CCNP: variants seen among roughly 807,000 people sequenced by gnomAD.
CCNP encodes the protein cyclin-P.
CCNP carries 18 observed loss-of-function variants against 19.6 expected under a neutral mutation model. The ratio of observed to expected loss-of-function variants is 0.92; its 90% CI spans 0.64 to 1.36. The LOEUF is 1.36. Among genes scored for constraint, CCNP ranks in the 40% most tolerant of loss-of-function variants. The pLI is 0.00. For missense variants in CCNP, 440 were observed against 424.4 expected (o/e 1.04, Z -0.32); for synonymous variants, 228 against 194.9 (o/e 1.17, Z -1.41).
At chr19:40,223,711 G>A in intron 3 of CCNP, 165 bp from the exon 4 acceptor site, 2 of 925,756 alleles carry the variant, frequency 2.2e-6, no homozygotes, top group Non-Finnish European at 1.7e-6. Flanking sequence ...GAGGGTCCTG[G>A]GTTCAAGACC....
rs1361970727 is a variant in CCNP at position 40,224,500 on chromosome 19, G to A, written c.501C>T (p.Cys167=). 3 of 1,613,710 alleles carry A rather than the reference G, an allele frequency of 1.9e-6. No individual in the cohort carries two copies. Among genetic ancestry groups the A allele is most frequent in the African/African-American group, 1.3e-5 (1 of 74,876 alleles). Residue 167 remains cysteine, a synonymous_variant, in exon 3 of 5, where the codon TGC becomes TGT. Transcript: ENST00000430325. The part of the protein sequence containing the change: ...CLFVACKMEE[C]VLPEPAFLCL... ...ACCCCGGAAGTACCTCGGGAAGCAC[G>A]CACTCTTCCATTTTGCACGCCACAA... is the stretch of plus-strand genomic sequence containing the variant.
At position 40,223,004 on chromosome 19, in the gene CCNP, C is replaced by G; in HGVS notation, c.*48G>C. ...CTGGACTAATGGGGTCCTCCCACCC[C>G]ATTCTCTCCCACACCCAGAAAAATC... On this transcript the variant is annotated 3_prime_UTR_variant, in exon 5 of 5. Transcript: ENST00000430325. 2 of 1,123,362 alleles carry G rather than the reference C, an allele frequency of 1.8e-6. No individual in the cohort carries two copies. The highest frequency in any genetic ancestry group is 2.4e-5 in the Admixed American group (1 of 42,370). The allele number at this position is 1,123,362 out of a possible 1,614,324, so 69.6% of individuals were successfully genotyped here.
Position 40,226,670 on chromosome 19 carries a change from A to T in CCNP, c.-29T>A, listed in dbSNP as rs1221101139. On this transcript the variant is annotated 5_prime_UTR_variant, in exon 1 of 5. Transcript: ENST00000430325. ...CCAGGAGGGTGTTGCGGGCGAGGCC[A>T]AGCACCGACCCTTGCAGCTAGGGGA... The T allele has an allele frequency of 6.6e-7, 1 of 1,526,292 alleles. No individual in the cohort carries two copies. Among genetic ancestry groups the T allele is most frequent in the Non-Finnish European group, 8.8e-7 (1 of 1,139,912 alleles). 94.5% of individuals were successfully genotyped at this position (1,526,292 alleles called of 1,614,324 possible). A position where few individuals can be genotyped will look rare whatever the true frequency, so the allele number is the denominator to read the frequency against.
Position 40,226,557 on chromosome 19 carries a change from G to T in CCNP, c.85C>A (p.Gln29Lys), listed in dbSNP as rs1973543646. 1.3e-6 allele frequency: 2 copies of T among 1,580,100 alleles called. No homozygotes were observed. The highest frequency in any genetic ancestry group is 1.7e-6 in the Non-Finnish European group (2 of 1,165,748). ...RRWAPRPSPL[Q>K]SLAASLDAEP... ...GCGTCGAGGGAGGCAGCGAGACTCTGCAAAGGAGAGGGCCTGGGGGCCCAG... is the reference window on the plus strand; with the variant it reads ...GCGTCGAGGGAGGCAGCGAGACTCTTCAAAGGAGAGGGCCTGGGGGCCCAG... The change falls in exon 1 of 5, where the codon CAG becomes AAG. Residue 29 changes from glutamine (Q) to lysine (K), a missense_variant. By Grantham distance (53) the Gln-to-Lys change is moderately conservative. Coordinates refer to ENST00000430325, the MANE Select transcript of CCNP (RefSeq NM_024877.4).
chr19:40,226,613 G>T lies in CCNP; in HGVS notation c.29C>A (p.Ser10Tyr). MLVRGRDQGSGSRLGPIVRR... is the reference protein window; with the variant it reads MLVRGRDQGYGSRLGPIVRR... ...AACGATAGGCCCGAGCCGGGAGCCGGACCCCTGGTCCCTGCCTCTCACCAG... is the reference window on the plus strand; with the variant it reads ...AACGATAGGCCCGAGCCGGGAGCCGTACCCCTGGTCCCTGCCTCTCACCAG... The change falls in exon 1 of 5, where the codon TCC (serine) becomes TAC (tyrosine). Residue 10 changes from serine to tyrosine, a missense_variant. Coordinates refer to ENST00000430325, the MANE Select transcript of CCNP (RefSeq NM_024877.4). The T allele has an allele frequency of 6.3e-7, 1 of 1,579,414 alleles. No individual in the cohort carries two copies. Among genetic ancestry groups the T allele is most frequent in the South Asian group, 1.2e-5 (1 of 86,486 alleles).
In CCNP at chr19:40,223,503, G is replaced by A. The variant is rs761189619; in HGVS notation, c.557C>T (p.Ala186Val). The change falls in exon 4 of 5, where the codon GCG becomes GTG. Residue 186 changes from alanine to valine, a missense_variant. By Grantham distance (64) the Ala-to-Val change is moderately conservative. Transcript: ENST00000430325. Reference sequence around the variant, plus strand: ...GCGACGCTCGGCGCGCAGCAGCTCCGCCCGTGAGAAGGAGTCCGCGCTCAG... The same window carrying A: ...GCGACGCTCGGCGCGCAGCAGCTCCACCCGTGAGAAGGAGTCCGCGCTCAG... Reference protein sequence around the residue: ...CLLSADSFSRAELLRAERRIL... With the variant: ...CLLSADSFSRVELLRAERRIL... 11 of 1,608,816 alleles carry A rather than the reference G, an allele frequency of 6.8e-6. No individual in the cohort carries two copies. The African/African-American group carries it at 9.4e-5, about 14-fold the overall frequency.
intron 3 of CCNP, 141 bp from the exon 4 acceptor site, chr19:40,223,687 G>C (rs1374667513): frequency 1.7e-6 from 2 of 1,203,112 alleles, no homozygotes. Context: ...GGAAGTCGTA[G>C]AGAGCACGGG....
intron 1 of CCNP, 44 bp from the exon 2 acceptor site, chr19:40,224,855 C>T (rs1335225592): frequency 6.7e-7 from 1 of 1,496,610 alleles, no homozygotes; most frequent in Admixed American, 2.0e-5. Context: ...ACCTGTGCCT[C>T]TGCCTTTCTC....
At chr19:40,223,976 T>TG (rs888710627) in intron 3 of CCNP, among the ~76,000 whole-genome samples, 1 of 151,978 alleles carries the variant, frequency 6.6e-6, no homozygotes, top group African/African-American at 2.4e-5. Flanking sequence ...TGTTTTGTTT[T>TG]TTTTTGTTGT....
chr19:40,223,341 A>C lies in CCNP; in HGVS notation c.673-38T>G, dbSNP rs1437882439. 15 of 1,492,184 alleles carry C rather than the reference A, an allele frequency of 1.0e-5. No individual in the cohort carries two copies. In the South Asian group the frequency reaches 2.0e-4, roughly 20 times the overall value. The allele number at this position is 1,492,184 out of a possible 1,614,324, so 92.4% of individuals were successfully genotyped here. A position where few individuals can be genotyped will look rare whatever the true frequency, so the allele number is the denominator to read the frequency against. ...CGGGGCGACTGTCAGGCCACGCCCC[A>C]CTTCGCGCCGGCCACGCCCCCACCC... is the stretch of plus-strand genomic sequence containing the variant. On this transcript the variant is annotated intron_variant, in intron 4 of 4. Transcript: ENST00000430325.
rs1357502253 is a variant in CCNP, at chr19:40,222,449, T to A, written c.*603A>T. On this transcript the variant is annotated 3_prime_UTR_variant, in exon 5 of 5. Coordinates refer to ENST00000430325, the MANE Select transcript of CCNP (RefSeq NM_024877.4). ...GAGCGCAGCGCGGGCCATGCACGGC[T>A]CGAGGGTGCCCAGTTCCTCGGGGCT... 3 of 398,558 alleles carry A rather than the reference T, an allele frequency of 7.5e-6. No homozygotes were observed. The highest frequency in any genetic ancestry group is 1.3e-5 in the Non-Finnish European group (3 of 225,984). The allele number at this position is 398,558 out of a possible 1,614,324, so 24.7% of individuals were successfully genotyped here. A position where few individuals can be genotyped will look rare whatever the true frequency, so the allele number is the denominator to read the frequency against.
At chr19:40,225,062 CTTT>C (rs11301448) in intron 1 of CCNP, 5,717 of 368,364 alleles carry the variant, frequency 0.016, no homozygotes, top group South Asian at 0.024. Context: ...CCAGACTTCA[CTTT>C]TTTTTTTTTT....
Position 40,223,219 on chromosome 19 carries a change from C to T in CCNP, c.757G>A (p.Ala253Thr). The change falls in exon 5 of 5, where the codon GCG becomes ACG. Residue 253 changes from alanine to threonine, a missense_variant. By Grantham distance (58) the Ala-to-Thr change is moderately conservative. Coordinates refer to ENST00000430325, the MANE Select transcript of CCNP (RefSeq NM_024877.4). ...AGWEPGRRAAAALSLAHRLLD... is the reference protein window; with the variant it reads ...AGWEPGRRAATALSLAHRLLD... ...AAGCGGTGCGCCAGGCTCAGAGCCG[C>T]AGCCGCACGACGACCCGGCTCCCAT... 6.5e-7 allele frequency: 1 copy of T among 1,549,388 alleles called. No individual in the cohort carries two copies. Among genetic ancestry groups the T allele is most frequent in the Non-Finnish European group, 8.7e-7 (1 of 1,145,978 alleles).
chr19:40,224,406 G>A (rs919946957), intron 3 of CCNP, 82 bp downstream of exon 3: 95 of 1,486,418 alleles, frequency 6.4e-5, no homozygotes, highest in Non-Finnish European at 8.2e-5. Context: ...GACTCAGCAC[G>A]GTGCTTGGCA....
chr19:40,224,851 G>T, intron 1 of CCNP, 40 bp from the exon 2 acceptor site: 3 of 1,504,444 alleles, frequency 2.0e-6, no homozygotes, highest in Non-Finnish European at 2.7e-6. Flanking sequence ...CCACACCTGT[G>T]CCTCTGCCTT....
chr19:40,223,035 T>C lies in CCNP; in HGVS notation c.*17A>G. On this transcript the variant is annotated 3_prime_UTR_variant, in exon 5 of 5. Transcript: ENST00000430325. ...CTCCCACACCCAGAAAAATCAAGTC[T>C]AGGTGCCACCTCCTCCTCAATAATT... is the stretch of plus-strand genomic sequence containing the variant. 6.9e-7 allele frequency: 1 copy of C among 1,440,508 alleles called. No homozygotes were observed. Among genetic ancestry groups the C allele is most frequent in the South Asian group, 1.3e-5 (1 of 79,998 alleles). The allele number at this position is 1,440,508 out of a possible 1,614,324, so 89.2% of individuals were successfully genotyped here.
chr19:40,222,650 G>C lies in CCNP; in HGVS notation c.*402C>G, dbSNP rs1973464048. The C allele has an allele frequency of 2.5e-6, 1 of 398,482 alleles. No individual in the cohort carries two copies. Among genetic ancestry groups the C allele is most frequent in the East Asian group, 3.6e-5 (1 of 28,046 alleles). The allele number at this position is 398,482 out of a possible 1,614,324, so 24.7% of individuals were successfully genotyped here. A position where few individuals can be genotyped will look rare whatever the true frequency, so the allele number is the denominator to read the frequency against. On this transcript the variant is annotated 3_prime_UTR_variant, in exon 5 of 5. Coordinates refer to ENST00000430325, the MANE Select transcript of CCNP (RefSeq NM_024877.4). ...CAACTGGAGTGACTAGGCGAGCACC[G>C]GGGAGAGGTGGACACCCTATTCTTC...
At position 40,222,458 on chromosome 19, in the gene CCNP, C is replaced by A; in HGVS notation, c.*594G>T. ...GCGGGCCATGCACGGCTCGAGGGTGCCCAGTTCCTCGGGGCTGCAGCAGGG... is the reference window on the plus strand; with the variant it reads ...GCGGGCCATGCACGGCTCGAGGGTGACCAGTTCCTCGGGGCTGCAGCAGGG... On this transcript the variant is annotated 3_prime_UTR_variant, in exon 5 of 5. Coordinates refer to ENST00000430325, the MANE Select transcript of CCNP (RefSeq NM_024877.4). 1 of 398,720 alleles carries A rather than the reference C, an allele frequency of 2.5e-6. No homozygotes were observed. The highest frequency in any genetic ancestry group is 4.4e-6 in the Non-Finnish European group (1 of 225,992). 24.7% of individuals were successfully genotyped at this position (398,720 alleles called of 1,614,324 possible). A position where few individuals can be genotyped will look rare whatever the true frequency, so the allele number is the denominator to read the frequency against.
At chr19:40,226,297 A>C in intron 1 of CCNP, 78 bp downstream of exon 1, 1 of 1,253,364 alleles carries the variant, frequency 8.0e-7, no homozygotes, top group Non-Finnish European at 1.1e-6. Flanking sequence ...GAGCGGTGGG[A>C]GTTCAGAGTG....
Sources: allele counts gnomAD v4.1 joint callset (sites outside exome capture counted in the v4.1 genomes callset), GRCh38; gene constraint gnomAD v4.1.1; transcripts MANE v1.5; gene names NCBI Gene and HGNC (gene_info 2026-07-23, HGNC 2026-07-21).